The following COMMD2 variants were observed in gnomAD, a reference collection of about 807,000 sequenced individuals.
COMMD2 encodes the protein COMM domain-containing protein 2.
COMMD2 carries 25 observed loss-of-function variants against 22.5 expected under a neutral mutation model. That is an observed-to-expected ratio of 1.11 (90% confidence interval 0.81 to 1.55). The LOEUF (loss-of-function observed/expected upper bound fraction) is 1.55, where lower values mean the gene tolerates loss of function less well. COMMD2 is among the 40% of genes most tolerant of loss of function. The probability of loss-of-function intolerance (pLI) is 0.00; values close to 1 mark genes in which losing one functional copy is unlikely to be tolerated. For synonymous variants in COMMD2, 98 were observed against 91.2 expected, an observed-to-expected ratio of 1.07 and a Z score of -0.42; for missense variants, 223 against 232.9, an observed-to-expected ratio of 0.96 and a Z score of 0.28.
chr3:149,744,703 A>G (rs1481332185), intron 4 of COMMD2, among the ~76,000 whole-genome samples: 1 of 152,224 alleles, frequency 6.6e-6, no homozygotes, highest in African/African-American at 2.4e-5. Context: ...CTTATCTGAT[A>G]TGCATTTCTC....
chr3:149,741,374 G>T lies in COMMD2; in HGVS notation c.*147C>A. ...AGCCACTGCACCCAGCTTAGCTTCT[G>T]ATTATGACCTCAGTATCTTGGAATA... On this transcript the variant is annotated 3_prime_UTR_variant, in exon 5 of 5. Coordinates refer to ENST00000473414, the MANE Select transcript of COMMD2 (RefSeq NM_016094.4). 1 of 721,246 alleles carries T rather than the reference G, an allele frequency of 1.4e-6. No homozygotes were observed. The highest frequency in any genetic ancestry group is 2.3e-6 in the Non-Finnish European group (1 of 441,216). 44.7% of individuals were successfully genotyped at this position (721,246 alleles called of 1,614,324 possible). A position where few individuals can be genotyped will look rare whatever the true frequency, so the allele number is the denominator to read the frequency against.
Position 149,741,347 on chromosome 3 carries a change from T to G in COMMD2, c.*174A>C. 1.6e-6 allele frequency: 1 copy of G among 608,360 alleles called. No homozygotes were observed. The highest frequency in any genetic ancestry group is 2.8e-6 in the Non-Finnish European group (1 of 352,342). The allele number at this position is 608,360 out of a possible 1,614,324, so 37.7% of individuals were successfully genotyped here. A position where few individuals can be genotyped will look rare whatever the true frequency, so the allele number is the denominator to read the frequency against. ...TCCCAAAGTGCTGGGATAACTGGCA[T>G]GAGCCACTGCACCCAGCTTAGCTTC... On this transcript the variant is annotated 3_prime_UTR_variant, in exon 5 of 5. Transcript: ENST00000473414.
At chr3:149,752,117 A>G in intron 2 of COMMD2, 93 bp downstream of exon 2, 2 of 1,034,476 alleles carry the variant, frequency 1.9e-6, no homozygotes, top group South Asian at 2.9e-5. Context: ...ACAAGACCCT[A>G]GGACTCGCAA....
chr3:149,750,687 T>C lies in COMMD2; in HGVS notation c.393A>G (p.Leu131=), dbSNP rs747997537. The change falls in exon 4 of 5, where the codon CTA becomes CTG. Residue 131 remains leucine, a synonymous_variant. Transcript: ENST00000473414. ...TTTAAAAATGCTATACCTGTACATC[T>C]AGTCGCCATTCAAGGTTATGATAAC... ...LPSYHNLEWR[L]DVQLASRSLR... 13 of 1,571,206 alleles carry C rather than the reference T, an allele frequency of 8.3e-6. No individual in the cohort carries two copies. In the South Asian group the frequency reaches 1.3e-4, roughly 16 times the overall value.
rs1295797807 is a variant in COMMD2, at chr3:149,738,512, G to A, written c.*3009C>T. 6.6e-6 allele frequency: 1 copy of A among 151,878 alleles called. No homozygotes were observed. The highest frequency in any genetic ancestry group is 1.5e-5 in the Non-Finnish European group (1 of 67,926). The allele number at this position is 151,878 out of a possible 1,614,324, so 9.4% of individuals were successfully genotyped here. Reference sequence around the variant, plus strand: ...AAACATTTATTGAGTTCTTTGTAAAGCCTGGTACTATGTTAAACATTCTAT... The same window carrying A: ...AAACATTTATTGAGTTCTTTGTAAAACCTGGTACTATGTTAAACATTCTAT... On this transcript the variant is annotated 3_prime_UTR_variant, in exon 5 of 5. Transcript: ENST00000473414.
chr3:149,751,317 A>G (rs1392964739), intron 3 of COMMD2, 86 bp downstream of exon 3: 4 of 1,583,742 alleles, frequency 2.5e-6, no homozygotes, highest in Middle Eastern at 3.3e-4. Flanking sequence ...TAAAACACAC[A>G]GGTACCTGCC....
chr3:149,746,513 T>G (rs1009824540), intron 4 of COMMD2, among the ~76,000 whole-genome samples: 57 of 152,108 alleles, frequency 3.7e-4, no homozygotes, highest in African/African-American at 1.3e-3. Context: ...GGCTTACGCC[T>G]GTAATCCCAG....
intron 4 of COMMD2, among the ~76,000 whole-genome samples, chr3:149,744,257 G>C (rs997665816): frequency 1.3e-5 from 2 of 152,144 alleles, no homozygotes; most frequent in African/African-American, 2.4e-5. Flanking sequence ...GCACTGAAAA[G>C]GGTATTCTGG....
At chr3:149,750,205 A>G (rs1327278601) in intron 4 of COMMD2, 2 of 187,818 alleles carry the variant, frequency 1.1e-5, no homozygotes, top group Non-Finnish European at 2.3e-5. Flanking sequence ...ATATATACAA[A>G]GTTAAAAGAC....
chr3:149,740,838 T>C lies in COMMD2; in HGVS notation c.*683A>G, dbSNP rs1716190607. ...GTCAAAAGAAGTAGCAAAAACAAGA[T>C]AGTCATTCATATATACAGAACATAT... On this transcript the variant is annotated 3_prime_UTR_variant, in exon 5 of 5. Transcript: ENST00000473414. The C allele has an allele frequency of 1.3e-5, 2 of 152,554 alleles. No homozygotes were observed. Among genetic ancestry groups the C allele is most frequent in the African/African-American group, 2.4e-5 (1 of 41,436 alleles). 9.5% of individuals were successfully genotyped at this position (152,554 alleles called of 1,614,324 possible). A position where few individuals can be genotyped will look rare whatever the true frequency, so the allele number is the denominator to read the frequency against.
In COMMD2 at chr3:149,750,851, T is replaced by A. The variant is rs1716509511; in HGVS notation, c.229A>T (p.Ile77Phe). The A allele has an allele frequency of 1.3e-6, 2 of 1,552,214 alleles. No individual in the cohort carries two copies. Among genetic ancestry groups the A allele is most frequent in the Admixed American group, 1.9e-5 (1 of 51,912 alleles). Reference protein sequence around the residue: ...YLLTESSKLMISELDFQDSVF... With the variant: ...YLLTESSKLMFSELDFQDSVF... ...GAGTCTTGGAAATCCAGTTCAGAAA[T>A]CTAAGTGAATTGAGTTTAAAAGAAC... Residue 77 changes from isoleucine to phenylalanine, a missense_variant and splice_region_variant, in exon 4 of 5, where the codon ATT becomes TTT. Transcript: ENST00000473414.
rs1403027 is a variant in COMMD2, at chr3:149,752,467, C to T, written c.-23G>A. On this transcript the variant is annotated 5_prime_UTR_variant, in exon 1 of 5. Transcript: ENST00000473414. ...CATCTTCACTGTCCTACGATTTCAC[C>T]CGGCAGCGCCGACCCCGCCTTCGCC... 91 of 1,601,804 alleles carry T rather than the reference C, an allele frequency of 5.7e-5. No homozygotes were observed. The highest frequency in any genetic ancestry group is 5.6e-4 in the African/African-American group (42 of 74,754).
chr3:149,740,562 A>G lies in COMMD2; in HGVS notation c.*959T>C, dbSNP rs1310394052. On this transcript the variant is annotated 3_prime_UTR_variant, in exon 5 of 5. Coordinates refer to ENST00000473414, the MANE Select transcript of COMMD2 (RefSeq NM_016094.4). ...TACTATTTAAGCCAATTAATTAACC[A>G]TGATCACTCAAACTTAGGCAATATG... 1 of 152,228 alleles carries G rather than the reference A, an allele frequency of 6.6e-6. No individual in the cohort carries two copies. Among genetic ancestry groups the G allele is most frequent in the South Asian group, 2.1e-4 (1 of 4,832 alleles). The allele number at this position is 152,228 out of a possible 1,614,324, so 9.4% of individuals were successfully genotyped here.
chr3:149,750,619 G>A (rs993679494), intron 4 of COMMD2, 59 bp downstream of exon 4: 57 of 1,248,176 alleles, frequency 4.6e-5, no homozygotes, highest in Non-Finnish European at 5.9e-5. Flanking sequence ...CAATAAACAG[G>A]ACACAAACCT....
At chr3:149,751,521 C>T in intron 2 of COMMD2, 36 bp from the exon 3 acceptor site, 1 of 1,497,352 alleles carries the variant, frequency 6.7e-7, no homozygotes, top group Non-Finnish European at 9.1e-7. Context: ...AAATAAATTA[C>T]TACTGTAGTA....
chr3:149,742,171 A>G (rs977376743), intron 4 of COMMD2, among the ~76,000 whole-genome samples: 1 of 152,248 alleles, frequency 6.6e-6, no homozygotes, highest in Non-Finnish European at 1.5e-5. Flanking sequence ...CATTTTACAG[A>G]AGACAAATGA....
At chr3:149,752,114 C>G (rs993129073) in intron 2 of COMMD2, 96 bp downstream of exon 2, 5 of 1,024,124 alleles carry the variant, frequency 4.9e-6, no homozygotes, top group East Asian at 2.4e-5. Flanking sequence ...GGAACAAGAC[C>G]CTAGGACTCG....
In COMMD2 at chr3:149,752,191, T is replaced by C; in HGVS notation, c.145+19A>G. The C allele has an allele frequency of 6.2e-7, 1 of 1,610,022 alleles. No homozygotes were observed. The highest frequency in any genetic ancestry group is 8.5e-7 in the Non-Finnish European group (1 of 1,176,984). Reference sequence around the variant, plus strand: ...AACCGCCCTAGAAGCCTGCGGAGCCTTCCCCTTTCCCTTCTTACTGGCGGC... The same window carrying C: ...AACCGCCCTAGAAGCCTGCGGAGCCCTCCCCTTTCCCTTCTTACTGGCGGC... On this transcript the variant is annotated intron_variant, in intron 2 of 4. Transcript: ENST00000473414.
chr3:149,740,325 A>G lies in COMMD2; in HGVS notation c.*1196T>C, dbSNP rs560310432. 3.1e-4 allele frequency: 47 copies of G among 152,364 alleles called. No homozygotes were observed. The highest frequency in any genetic ancestry group is 1.1e-3 in the African/African-American group (47 of 41,596). The allele number at this position is 152,364 out of a possible 1,614,324, so 9.4% of individuals were successfully genotyped here. ...GTTTTGAGAAGGGATAGTTGCCTAT[A>G]ATGTAATAAACATGGCCTTCCTTCC... On this transcript the variant is annotated 3_prime_UTR_variant, in exon 5 of 5. Coordinates refer to ENST00000473414, the MANE Select transcript of COMMD2 (RefSeq NM_016094.4).
Sources: gnomAD v4.1 joint callset for allele counts (sites outside exome capture counted in the v4.1 genomes callset) on GRCh38, gnomAD v4.1.1 for gene constraint, MANE v1.5 for transcripts, NCBI Gene and HGNC (gene_info 2026-07-23, HGNC 2026-07-21) for gene names.